The following SOX6 variants were observed in gnomAD, a reference collection of about 807,000 sequenced individuals.
The protein encoded by SOX6 is transcription factor SOX-6.
A neutral mutation model predicts 97.8 loss-of-function variants in SOX6; 11 were observed. The ratio of observed to expected loss-of-function variants is 0.11; its 90% CI spans 0.07 to 0.19. The LOEUF (loss-of-function observed/expected upper bound fraction) is 0.19, where lower values mean the gene tolerates loss of function less well. Among genes scored for constraint, SOX6 ranks in the 10% least tolerant of loss-of-function variants. The pLI is 1.00. For synonymous variants in SOX6, 360 were observed against 371.4 expected (o/e 0.97, Z 0.35); for missense variants, 810 against 1,039.5 (o/e 0.78, Z 3.04).
At chr11:16,360,789 G>A (rs894530551), upstream of SOX6, among the ~76,000 whole-genome samples, 1 of 152,038 alleles carries the variant, frequency 6.6e-6, no homozygotes, top group Non-Finnish European at 1.5e-5. Flanking sequence ...AGATCACAAG[G>A]TCAGGAGATC....
intron 2 of SOX6, among the ~76,000 whole-genome samples, chr11:16,727,068 T>G (rs1848311647): frequency 6.6e-6 from 1 of 152,150 alleles, no homozygotes; most frequent in Non-Finnish European, 1.5e-5. Flanking sequence ...TTCAGATAAT[T>G]CAAAGTTCAA....
chr11:16,333,569 A>C (rs1407673027), intron 2 of SOX6, among the ~76,000 whole-genome samples: 1 of 152,076 alleles, frequency 6.6e-6, no homozygotes, highest in Non-Finnish European at 1.5e-5. Flanking sequence ...TCCATTGATT[A>C]ACCCTGACCA....
At chr11:16,034,441 G>C (rs1422789763) in intron 12 of SOX6, among the ~76,000 whole-genome samples, 1 of 152,190 alleles carries the variant, frequency 6.6e-6, no homozygotes, top group East Asian at 1.9e-4. Flanking sequence ...AGTTGCAAAT[G>C]TCAAAGATTG....
intron 6 of SOX6, among the ~76,000 whole-genome samples, chr11:16,162,610 G>T (rs2134071841): frequency 6.6e-6 from 1 of 152,300 alleles, no homozygotes; most frequent in Admixed American, 6.5e-5. Flanking sequence ...CGTCATGATT[G>T]TAAGTTTCCT....
chr11:16,496,550 A>G (rs1342408060), intron 4 of SOX6, among the ~76,000 whole-genome samples: 1 of 152,250 alleles, frequency 6.6e-6, no homozygotes, highest in Non-Finnish European at 1.5e-5. Flanking sequence ...GCAAGGGGTC[A>G]GGGAATTCCC....
intron 3 of SOX6, among the ~76,000 whole-genome samples, chr11:16,642,721 G>A (rs534694665): frequency 3.9e-5 from 6 of 152,230 alleles, no homozygotes; most frequent in African/African-American, 1.4e-4. Flanking sequence ...ATTGAAGCAT[G>A]TGCATTTGTC....
rs771667032 is a variant in SOX6, at chr11:16,234,665, G to A, written c.452C>T (p.Ser151Phe). 2 of 1,561,160 alleles carry A rather than the reference G, an allele frequency of 1.3e-6. No individual in the cohort carries two copies. The highest frequency in any genetic ancestry group is 1.1e-5 in the South Asian group (1 of 87,392). The change falls in exon 4 of 16, where the codon TCC becomes TTC. Residue 151 changes from serine to phenylalanine, a missense_variant. By Grantham distance (155) the Ser-to-Phe change is radical. Around this residue, in one of 9 missense-constraint regions of SOX6, gnomAD observed 110 missense variants for 119.0 expected, o/e 0.92. Transcript: ENST00000683767. ...EMTRTEQEDS[S>F]CMEKLLSKDW... ...TTTTGAAAGTAGTTTTTCCATGCAGGAGGAATCTATTAAAATACAAAAGTA... is the reference window on the plus strand; with the variant it reads ...TTTTGAAAGTAGTTTTTCCATGCAGAAGGAATCTATTAAAATACAAAAGTA...
chr11:16,053,180 T>G (rs1847726748), intron 10 of SOX6, among the ~76,000 whole-genome samples: 1 of 152,154 alleles, frequency 6.6e-6, no homozygotes, highest in Non-Finnish European at 1.5e-5. Flanking sequence ...CTTCCAATAG[T>G]GAGCTGCAAA....
At chr11:16,383,494 G>C (rs1240258240) in intron 1 of SOX6, among the ~76,000 whole-genome samples, 1 of 151,886 alleles carries the variant, frequency 6.6e-6, no homozygotes, top group Admixed American at 6.6e-5. Context: ...TCTTGGGCAA[G>C]TTGCTCAACT....
intron 4 of SOX6, among the ~76,000 whole-genome samples, chr11:16,198,339 G>T (rs985646158): frequency 8.0e-5 from 12 of 149,964 alleles, no homozygotes; most frequent in African/African-American, 3.0e-4. Flanking sequence ...GCCTCCCAAA[G>T]TGCCAGCCAA....
rs953254284 is a variant in SOX6, at chr11:16,605,416, T to C, written n.609+6665A>G. 6.6e-6 allele frequency among the ~76,000 whole-genome samples: 1 copy of C among 152,066 alleles called. No individual in the cohort carries two copies. The highest frequency in any genetic ancestry group is 2.4e-5 in the African/African-American group (1 of 41,424). On this transcript the variant is annotated intron_variant and non_coding_transcript_variant, in intron 4 of 5. Transcript: ENST00000524520. The surrounding 1 kb of genome is among the most constrained non-coding windows in gnomAD (Gnocchi z 5.3). ...GTCAGCCTTGGATTTCGGATGGGCT[T>C]GGAATTCGGTTTGTTTATTCCTGAA...
chr11:16,737,850 C>T (rs1014938779), intron 1 of SOX6, among the ~76,000 whole-genome samples: 2 of 151,992 alleles, frequency 1.3e-5, no homozygotes, highest in East Asian at 1.9e-4. Flanking sequence ...GGATTGTACA[C>T]TTTTTAAAAA....
chr11:16,373,070 A>G (rs149693970), intron 1 of SOX6, among the ~76,000 whole-genome samples: 53 of 152,216 alleles, frequency 3.5e-4, no homozygotes, highest in African/African-American at 1.2e-3. Flanking sequence ...GAAAATTGGC[A>G]TTGTACAGAA....
chr11:16,281,271 T>C (rs113914150), intron 3 of SOX6, among the ~76,000 whole-genome samples: 5 of 152,228 alleles, frequency 3.3e-5, no homozygotes, highest in African/African-American at 1.2e-4. Context: ...GTGTCACATA[T>C]ATGTGTATGG....
chr11:16,096,464 G>A (rs1446501109), intron 8 of SOX6, among the ~76,000 whole-genome samples: 1 of 151,782 alleles, frequency 6.6e-6, no homozygotes, highest in Non-Finnish European at 1.5e-5. Context: ...CAAGAGAGGT[G>A]AGGTTGCTGC....
At chr11:16,307,257 AT>A (rs1176582555) in intron 3 of SOX6, among the ~76,000 whole-genome samples, 1 of 152,238 alleles carries the variant, frequency 6.6e-6, no homozygotes, top group African/African-American at 2.4e-5. Context: ...CTCTCTGGAT[AT>A]TAGATAACAC....
At chr11:16,328,757 G>T (rs966000169) in intron 2 of SOX6, among the ~76,000 whole-genome samples, 3 of 152,114 alleles carry the variant, frequency 2.0e-5, no homozygotes, top group African/African-American at 7.2e-5. Flanking sequence ...AAAGATTTCG[G>T]TTCCAATAAC....
intron 6 of SOX6, among the ~76,000 whole-genome samples, chr11:16,118,846 G>A (rs1849418789): frequency 6.6e-6 from 1 of 152,160 alleles, no homozygotes; most frequent in Admixed American, 6.5e-5. Context: ...GTGCAAAAAT[G>A]AGGGTTTTTA....
chr11:16,107,409 A>ATATATGTATATATATG (rs1207336415), intron 7 of SOX6, among the ~76,000 whole-genome samples: 2 of 146,338 alleles, frequency 1.4e-5, no homozygotes, highest in African/African-American at 5.0e-5. Flanking sequence ...ATATATGTAT[A>ATATATGTATATATATG]TATATATACA....
Sources: allele counts gnomAD v4.1 joint callset (sites outside exome capture counted in the v4.1 genomes callset), GRCh38; gene constraint gnomAD v4.1.1; regional missense constraint gnomAD v4.1.1; non-coding constraint Gnocchi (gnomAD v3.1); transcripts MANE v1.5; gene names NCBI Gene and HGNC (gene_info 2026-07-23, HGNC 2026-07-21).